LIMCH1: variants seen among roughly 807,000 people sequenced by gnomAD.
LIMCH1 encodes LIM and calponin homology domains 1.
In LIMCH1, 113 loss-of-function variants were observed where a neutral mutation model predicts 176.5. The ratio of observed to expected loss-of-function variants is 0.64; its 90% CI spans 0.55 to 0.75. LIMCH1 has a LOEUF of 0.75. LIMCH1 is among the 30% of genes least tolerant of loss of function. The probability of loss-of-function intolerance (pLI) is 0.00; values close to 1 mark genes in which losing one functional copy is unlikely to be tolerated. For missense variants in LIMCH1, 1,674 were observed against 1,814.9 expected, an observed-to-expected ratio of 0.92 and a Z score of 1.41; for synonymous variants, 619 against 645.9, an observed-to-expected ratio of 0.96 and a Z score of 0.63.
chr4:41,486,977 T>TGCAC, intron 1 of LIMCH1, among the ~76,000 whole-genome samples: 1 of 138,512 alleles, frequency 7.2e-6, no homozygotes, highest in African/African-American at 2.6e-5. Context: ...CACACATACA[T>TGCAC]ACACACACAC....
chr4:41,381,898 G>T (rs1008617261), intron 1 of LIMCH1, among the ~76,000 whole-genome samples: 1 of 152,158 alleles, frequency 6.6e-6, no homozygotes, highest in Non-Finnish European at 1.5e-5. Context: ...TTCATTTTAG[G>T]ATGGTTAGCA....
chr4:41,484,595 C>G (rs1230452834), intron 1 of LIMCH1, among the ~76,000 whole-genome samples: 1 of 152,166 alleles, frequency 6.6e-6, no homozygotes, highest in Non-Finnish European at 1.5e-5. Flanking sequence ...AGAGAGTAAG[C>G]ATAATGAGCT....
intron 4 of LIMCH1, among the ~76,000 whole-genome samples, chr4:41,612,080 T>G (rs1179136535): frequency 6.6e-6 from 1 of 152,168 alleles, no homozygotes; most frequent in African/African-American, 2.4e-5. Flanking sequence ...CAGTCCTCTG[T>G]CTGGAGGCTG....
chr4:41,537,999 T>C (rs747849717), upstream of LIMCH1, among the ~76,000 whole-genome samples: 1 of 152,198 alleles, frequency 6.6e-6, no homozygotes, highest in Non-Finnish European at 1.5e-5. Flanking sequence ...AAACCTACTG[T>C]GTGCTAGTGG....
chr4:41,489,630 T>C (rs2070371149), intron 1 of LIMCH1, among the ~76,000 whole-genome samples: 1 of 152,190 alleles, frequency 6.6e-6, no homozygotes, highest in Non-Finnish European at 1.5e-5. Flanking sequence ...TTTAATTCCA[T>C]TGCAATCAGA....
At position 41,503,314 on chromosome 4, in the gene LIMCH1, G is replaced by A. The variant is rs1446329179; in HGVS notation, c.167+8708G>A. On this transcript the variant is annotated intron_variant, in intron 2 of 26. Transcript: ENST00000313860. ...CTTGCTTGGAGCCAGGACGTAGCAT[G>A]GGCGCTCTCCACAGTCTGCCCTACC... Among the ~76,000 whole-genome samples the A allele has an allele frequency of 2.0e-5, 3 of 152,106 alleles. No homozygotes were observed. In the East Asian group the frequency reaches 5.8e-4, roughly 29 times the overall value.
At chr4:41,494,511 G>C in intron 1 of LIMCH1, 1 of 1,584,980 alleles carries the variant, frequency 6.3e-7, no homozygotes. Flanking sequence ...AAACTTATGT[G>C]CTCTTTTTCT....
intron 1 of LIMCH1, among the ~76,000 whole-genome samples, chr4:41,377,042 A>G (rs1469783217): frequency 2.0e-5 from 3 of 152,244 alleles, no homozygotes; most frequent in Admixed American, 6.5e-5. Flanking sequence ...AAACAAGCAC[A>G]TGAAATTAAG....
At chr4:41,580,575 A>T (rs1355041009) in intron 1 of LIMCH1, among the ~76,000 whole-genome samples, 5 of 152,160 alleles carry the variant, frequency 3.3e-5, no homozygotes. Flanking sequence ...TCTATTCCTT[A>T]CTAAAGAATA....
chr4:41,671,057 TTAA>T, intron 21 of LIMCH1: 2 of 820,752 alleles, frequency 2.4e-6, no homozygotes, highest in Non-Finnish European at 2.9e-6. Context: ...TCCCCTGCCT[TTAA>T]AAAAAAAAAA....
intron 21 of LIMCH1, among the ~76,000 whole-genome samples, chr4:41,670,051 G>A (rs1383246825): frequency 6.6e-6 from 1 of 152,210 alleles, no homozygotes; most frequent in South Asian, 2.1e-4. Context: ...CCTGAAAACA[G>A]TCATAAAATA....
intron 1 of LIMCH1, among the ~76,000 whole-genome samples, chr4:41,460,656 C>T (rs923354319): frequency 2.0e-5 from 3 of 152,030 alleles, no homozygotes; most frequent in South Asian, 2.1e-4. Flanking sequence ...CATAAAAGCC[C>T]GAAAGAGCCA....
intron 1 of LIMCH1, among the ~76,000 whole-genome samples, chr4:41,402,099 C>T (rs937498458): frequency 6.6e-6 from 1 of 152,152 alleles, no homozygotes; most frequent in Admixed American, 6.5e-5. Context: ...GAGGGCATCC[C>T]TGTCTTGTGC....
At chr4:41,427,139 T>C (rs2061183427) in intron 1 of LIMCH1, among the ~76,000 whole-genome samples, 1 of 152,226 alleles carries the variant, frequency 6.6e-6, no homozygotes, top group Non-Finnish European at 1.5e-5. Flanking sequence ...ATTTTACATA[T>C]AAACATTTCT....
chr4:41,642,218 C>G (rs2093851817), intron 14 of LIMCH1, among the ~76,000 whole-genome samples: 1 of 152,024 alleles, frequency 6.6e-6, no homozygotes, highest in African/African-American at 2.4e-5. Flanking sequence ...TAAGAGGGTC[C>G]CAGCTCAGAG....
Position 41,390,447 on chromosome 4 carries a change from G to T in LIMCH1, c.96+29511G>T, listed in dbSNP as rs73811196. 6.5e-3 allele frequency among the ~76,000 whole-genome samples: 987 copies of T among 152,278 alleles called. 8 individuals carry two copies. The highest frequency in any genetic ancestry group is 0.023 in the African/African-American group (940 of 41,566). On this transcript the variant is annotated intron_variant, in intron 1 of 26. Coordinates refer to the LIMCH1 transcript ENST00000313860. Reference sequence around the variant, plus strand: ...ATGTAGTGCGTAAGGTCTGCCATGCGTGGTGTGCAATGTTACCAAGGGATG... The same window carrying T: ...ATGTAGTGCGTAAGGTCTGCCATGCTTGGTGTGCAATGTTACCAAGGGATG...
intron 14 of LIMCH1, among the ~76,000 whole-genome samples, chr4:41,639,825 G>A (rs1470193059): frequency 3.3e-5 from 5 of 152,116 alleles, no homozygotes; most frequent in African/African-American, 9.7e-5. Flanking sequence ...CTGATATTGA[G>A]GAGCATTTTG....
chr4:41,696,548 A>G (rs1204366860), intron 31 of LIMCH1, among the ~76,000 whole-genome samples: 2 of 152,172 alleles, frequency 1.3e-5, no homozygotes, highest in Non-Finnish European at 1.5e-5. Flanking sequence ...CACATAAACA[A>G]TACATTTTTT....
chr4:41,492,137 C>G (rs2071182379), intron 1 of LIMCH1, among the ~76,000 whole-genome samples: 1 of 152,220 alleles, frequency 6.6e-6, no homozygotes, highest in Admixed American at 6.5e-5. Context: ...GAGCGAGACT[C>G]CGTCTGCAAT....
Sources: gnomAD v4.1 joint callset for allele counts (sites outside exome capture counted in the v4.1 genomes callset) on GRCh38, gnomAD v4.1.1 for gene constraint, MANE v1.5 for transcripts, NCBI Gene and HGNC (gene_info 2026-07-23, HGNC 2026-07-21) for gene names.